UBR1: variants seen among roughly 807,000 people sequenced by gnomAD.
The protein encoded by UBR1 is ubiquitin protein ligase E3 component n-recognin 1.
In UBR1, 102 loss-of-function variants were observed where a neutral mutation model predicts 242.1. The ratio of observed to expected loss-of-function variants is 0.42; its 90% CI spans 0.36 to 0.50. The LOEUF (loss-of-function observed/expected upper bound fraction) is 0.50, where lower values mean the gene tolerates loss of function less well. UBR1 is among the 20% of genes least tolerant of loss of function. The pLI is 0.01. For synonymous variants in UBR1, 675 were observed against 684.8 expected, an observed-to-expected ratio of 0.99 and a Z score of 0.22; for missense variants, 1,772 against 2,101.8, an observed-to-expected ratio of 0.84 and a Z score of 3.07.
chr15:43,041,587 A>G (rs998204891), intron 15 of UBR1, among the ~76,000 whole-genome samples: 53 of 152,192 alleles, frequency 3.5e-4, no homozygotes, highest in African/African-American at 1.2e-3. Flanking sequence ...AACTTAAAGT[A>G]TAATTAAAAA....
At chr15:42,984,644 A>G (rs1326184794) in intron 36 of UBR1, among the ~76,000 whole-genome samples, 1 of 152,244 alleles carries the variant, frequency 6.6e-6, no homozygotes, top group Admixed American at 6.5e-5. Flanking sequence ...CAAAGGGAGA[A>G]AAAGTAATCA....
At chr15:43,019,890 C>T (rs1181968166) in intron 27 of UBR1, among the ~76,000 whole-genome samples, 1 of 151,924 alleles carries the variant, frequency 6.6e-6, no homozygotes, top group Non-Finnish European at 1.5e-5. Flanking sequence ...AGGCGTGAGC[C>T]ACCGTGCCTG....
chr15:43,075,590 T>G (rs1189189770), intron 3 of UBR1, among the ~76,000 whole-genome samples: 1 of 150,762 alleles, frequency 6.6e-6, no homozygotes, highest in African/African-American at 2.4e-5. Context: ...CCCTCCCCAC[T>G]CCCCCCTAGA....
intron 37 of UBR1, among the ~76,000 whole-genome samples, chr15:42,983,608 TGAGCC>T (rs1355163640): frequency 2.0e-5 from 3 of 150,864 alleles, no homozygotes; most frequent in Non-Finnish European, 4.4e-5. Context: ...GAAGTTGCAG[TGAGCC>T]GAGATTGCGC....
At chr15:42,990,787 G>A (rs936250976) in intron 33 of UBR1, among the ~76,000 whole-genome samples, 1 of 152,156 alleles carries the variant, frequency 6.6e-6, no homozygotes, top group Non-Finnish European at 1.5e-5. Context: ...GTGAATAAGA[G>A]TAAATGATCT....
At chr15:42,985,284 T>C (rs1444481432) in intron 35 of UBR1, among the ~76,000 whole-genome samples, 2 of 152,232 alleles carry the variant, frequency 1.3e-5, no homozygotes, top group Non-Finnish European at 2.9e-5. Flanking sequence ...AATTTATATA[T>C]GTAATTATAG....
At chr15:42,959,661 T>C (rs1270210131) in intron 43 of UBR1, among the ~76,000 whole-genome samples, 1 of 152,172 alleles carries the variant, frequency 6.6e-6, no homozygotes, top group Non-Finnish European at 1.5e-5. Flanking sequence ...AGATTAACAG[T>C]CCAAAAATAT....
intron 26 of UBR1, 46 bp from the exon 27 acceptor site, chr15:43,021,421 C>T (rs559394417): frequency 8.3e-6 from 13 of 1,575,332 alleles, no homozygotes; most frequent in African/African-American, 4.0e-5. Flanking sequence ...ATAAAGTCAT[C>T]TCTTGGTATC....
Position 43,065,252 on chromosome 15 carries a change from T to C in UBR1, c.798+2646A>G, listed in dbSNP as rs563114524. 7.9e-5 allele frequency among the ~76,000 whole-genome samples: 12 copies of C among 152,344 alleles called. No homozygotes were observed. The East Asian group carries it at 2.1e-3, about 27-fold the overall frequency. ...CCCATTTCACTTTCTTTTTCTTCTA[T>C]TATTTTCTGTCTTCTTTTCCTATCT... is the stretch of plus-strand genomic sequence containing the variant. On this transcript the variant is annotated intron_variant, in intron 6 of 46. Transcript: ENST00000290650.
At chr15:42,990,707 G>A (rs1241984568) in intron 33 of UBR1, among the ~76,000 whole-genome samples, 1 of 152,160 alleles carries the variant, frequency 6.6e-6, no homozygotes, top group African/African-American at 2.4e-5. Flanking sequence ...TTCTATAACA[G>A]TAACTTTCCC....
At chr15:43,104,265 T>C (rs1380249961) in intron 1 of UBR1, among the ~76,000 whole-genome samples, 1 of 152,212 alleles carries the variant, frequency 6.6e-6, no homozygotes, top group Non-Finnish European at 1.5e-5. Flanking sequence ...TCCAGAATGA[T>C]GGGGTTTTAT....
At chr15:43,073,952 A>G (rs933863530) in intron 4 of UBR1, among the ~76,000 whole-genome samples, 2 of 152,240 alleles carry the variant, frequency 1.3e-5, no homozygotes, top group African/African-American at 2.4e-5. Context: ...CAGTTTAAAG[A>G]GCGCAAAAAC....
chr15:43,010,139 T>C (rs541789366), intron 29 of UBR1, among the ~76,000 whole-genome samples: 2 of 152,360 alleles, frequency 1.3e-5, no homozygotes, highest in Admixed American at 6.5e-5. Context: ...CCCAAAGTGC[T>C]GGGATTACAG....
chr15:42,969,414 T>C (rs2032165908), intron 40 of UBR1, among the ~76,000 whole-genome samples: 1 of 152,358 alleles, frequency 6.6e-6, no homozygotes, highest in Admixed American at 6.5e-5. Context: ...TTCTGGATAT[T>C]AGCCCTTTGT....
chr15:43,028,585 A>C (rs1187675511), intron 21 of UBR1, among the ~76,000 whole-genome samples: 2 of 151,474 alleles, frequency 1.3e-5, no homozygotes, highest in Admixed American at 6.6e-5. Flanking sequence ...TCTCTACTAA[A>C]AATATAAAAA....
At chr15:43,051,569 C>G (rs2033555527) in intron 12 of UBR1, among the ~76,000 whole-genome samples, 1 of 151,840 alleles carries the variant, frequency 6.6e-6, no homozygotes, top group Non-Finnish European at 1.5e-5. Context: ...CCCCTGAACT[C>G]AAAATAAAAG....
chr15:43,017,120 C>A lies in UBR1; in HGVS notation c.3002G>T (p.Gly1001Val). Residue 1001 changes from glycine to valine, a missense_variant, in exon 28 of 47, where the codon GGA becomes GTA. Gly to Val is a moderately radical substitution (Grantham distance 109). This residue lies in a region of UBR1 where 965 missense variants were observed against 1,079.7 expected (regional missense o/e 0.89). Coordinates refer to ENST00000290650, the MANE Select transcript of UBR1 (RefSeq NM_174916.3). Reference sequence around the variant, plus strand: ...CTCATCATTCTTAATAGATTCCGATCCTGATGTGGTTGCTACAATTAAACA... The same window carrying A: ...CTCATCATTCTTAATAGATTCCGATACTGATGTGGTTGCTACAATTAAACA... ...KSCLIVATTS[G>V]SESIKNDEIT... is the part of the protein sequence containing the mutation. 1 of 1,613,686 alleles carries A rather than the reference C, an allele frequency of 6.2e-7. No homozygotes were observed. Among genetic ancestry groups the A allele is most frequent in the Non-Finnish European group, 8.5e-7 (1 of 1,179,734 alleles).
In UBR1 at chr15:42,945,325, G is replaced by A. The variant is rs751157225; in HGVS notation, c.*4C>T. On this transcript the variant is annotated 3_prime_UTR_variant, in exon 47 of 47. Transcript: ENST00000290650. Reference sequence around the variant, plus strand: ...TTGTGATTGTCTTGAGGCAGAGTTGGAGCTCACAGTAACTGCCAGTTGAAT... The same window carrying A: ...TTGTGATTGTCTTGAGGCAGAGTTGAAGCTCACAGTAACTGCCAGTTGAAT... 6 of 1,613,940 alleles carry A rather than the reference G, an allele frequency of 3.7e-6. No homozygotes were observed. In the Admixed American group the frequency reaches 1.0e-4, roughly 27 times the overall value.
Position 43,044,218 on chromosome 15 carries a change from G to A in UBR1, c.1669-823C>T, listed in dbSNP as rs549224110. Among the ~76,000 whole-genome samples the A allele has an allele frequency of 4.6e-5, 7 of 152,346 alleles. No individual in the cohort carries two copies. In the South Asian group the frequency reaches 1.4e-3, roughly 32 times the overall value. On this transcript the variant is annotated intron_variant, in intron 14 of 46. Transcript: ENST00000290650. ...GCATGTGAATACACTGATGGAGTCC[G>A]CAGTGTAATAATGTAGCCAACACAC...
Sources: gnomAD v4.1 joint callset for allele counts (sites outside exome capture counted in the v4.1 genomes callset) on GRCh38, gnomAD v4.1.1 for gene constraint, gnomAD v4.1.1 regional missense constraint, MANE v1.5 for transcripts, NCBI Gene and HGNC (gene_info 2026-07-23, HGNC 2026-07-21) for gene names.